The following SLC23A2 variants were observed in gnomAD, a reference collection of about 807,000 sequenced individuals.
SLC23A2 encodes the protein solute carrier family 23 member 2.
Under a neutral mutation model 73.3 loss-of-function variants are expected in SLC23A2, and 36 were observed. That is an observed-to-expected ratio of 0.49 (90% CI 0.38 to 0.65). The LOEUF (loss-of-function observed/expected upper bound fraction) is 0.65. Ranked by LOEUF, SLC23A2 falls within the 30% of genes least tolerant of loss-of-function variation. SLC23A2 has a pLI of 0.00. For missense variants in SLC23A2, 507 were observed against 841.6 expected (o/e 0.60, Z 4.92); for synonymous variants, 343 against 327.3 (o/e 1.05, Z -0.52).
chr20:5,009,955 C>T (rs927589361), intron 1 of SLC23A2, among the ~76,000 whole-genome samples: 10 of 151,936 alleles, frequency 6.6e-5, no homozygotes, highest in East Asian at 1.9e-4. Flanking sequence ...ATTAGCCGGG[C>T]GTGGTTGCAG....
intron 10 of SLC23A2, 21 bp downstream of exon 10, chr20:4,874,555 G>T: frequency 6.3e-7 from 1 of 1,578,382 alleles, no homozygotes; most frequent in Middle Eastern, 1.7e-4. Context: ...ATGTCAGCAG[G>T]GGAAGAAGTC....
chr20:4,988,197 G>A (rs974880855), intron 1 of SLC23A2, among the ~76,000 whole-genome samples: 2 of 151,894 alleles, frequency 1.3e-5, no homozygotes, highest in African/African-American at 4.8e-5. Context: ...AGCTACTCAG[G>A]AGGCTGAGGC....
chr20:4,963,586 G>A (rs1237981624), intron 2 of SLC23A2, among the ~76,000 whole-genome samples: 3 of 151,662 alleles, frequency 2.0e-5, no homozygotes, highest in African/African-American at 4.8e-5. Flanking sequence ...GGTGGCTCAC[G>A]CCTATAATTC....
intron 2 of SLC23A2, among the ~76,000 whole-genome samples, chr20:4,964,560 C>T (rs2087443447): frequency 6.6e-6 from 1 of 152,066 alleles, no homozygotes; most frequent in East Asian, 1.9e-4. Context: ...GAGATTAAAA[C>T]ATGGGTGACT....
intron 1 of SLC23A2, among the ~76,000 whole-genome samples, chr20:4,995,942 G>A (rs1329978980): frequency 6.6e-6 from 1 of 152,178 alleles, no homozygotes; most frequent in Admixed American, 6.5e-5. Context: ...TAGAAACCCT[G>A]AGTTTCAGAT....
chr20:4,965,039 GA>G (rs1196774491), intron 2 of SLC23A2, among the ~76,000 whole-genome samples: 5 of 151,884 alleles, frequency 3.3e-5, no homozygotes, highest in African/African-American at 1.2e-4. Context: ...TTAAAAGCTT[GA>G]GCCATTATCT....
At position 4,857,268 on chromosome 20, in the gene SLC23A2, C is replaced by T; in HGVS notation, c.1721-64G>A. 1.3e-6 allele frequency: 1 copy of T among 776,380 alleles called. No homozygotes were observed. Among genetic ancestry groups the T allele is most frequent in the Non-Finnish European group, 2.1e-6 (1 of 473,982 alleles). 48.1% of individuals were successfully genotyped at this position (776,380 alleles called of 1,614,324 possible). ...TTTAGCAGCTCTACTGAAAATGAAA[C>T]TGTCGTCAAACACATACACACACAC... On this transcript the variant is annotated intron_variant, in intron 16 of 16. Coordinates refer to ENST00000338244, the MANE Select transcript of SLC23A2 (RefSeq NM_005116.6). This position sits in a 1 kb window ranked among gnomAD's most constrained non-coding sequence, Gnocchi z 4.0.
At chr20:4,942,369 A>G (rs1401657581) in intron 2 of SLC23A2, among the ~76,000 whole-genome samples, 1 of 146,094 alleles carries the variant, frequency 6.8e-6, no homozygotes, top group Non-Finnish European at 1.5e-5. Flanking sequence ...AAATCGCTAC[A>G]GTCTCAAAAA....
chr20:4,920,209 C>T (rs1215359813), intron 3 of SLC23A2, among the ~76,000 whole-genome samples: 3 of 152,120 alleles, frequency 2.0e-5, no homozygotes, highest in African/African-American at 7.2e-5. Flanking sequence ...TGCAATGAGC[C>T]GAGAACATGA....
chr20:4,908,848 T>C (rs1158764876), intron 4 of SLC23A2, among the ~76,000 whole-genome samples: 1 of 152,196 alleles, frequency 6.6e-6, no homozygotes, highest in Non-Finnish European at 1.5e-5. Context: ...GTATGAGAAT[T>C]GCTTGAAACT....
At chr20:4,869,765 G>T in intron 12 of SLC23A2, 141 bp downstream of exon 12, 1 of 644,156 alleles carries the variant, frequency 1.6e-6, no homozygotes, top group Non-Finnish European at 2.7e-6. Flanking sequence ...AGGTGGTGAT[G>T]CATCAAACAG....
upstream of SLC23A2, among the ~76,000 whole-genome samples, chr20:5,005,000 AAAATAAAT>A (rs11474342): frequency 0.013 from 1,925 of 143,390 alleles, 69 homozygotes; most frequent in South Asian, 0.15. Context: ...CTCCGTCTCA[AAAATAAAT>A]AAATAAATAA....
At chr20:4,967,460 A>G (rs1430313056) in intron 2 of SLC23A2, among the ~76,000 whole-genome samples, 1 of 152,204 alleles carries the variant, frequency 6.6e-6, no homozygotes, top group African/African-American at 2.4e-5. Context: ...CAACTGTTCC[A>G]TCTTCCTTCC....
At chr20:4,984,088 T>G (rs56864681) in intron 1 of SLC23A2, among the ~76,000 whole-genome samples, 308 of 151,878 alleles carry the variant, frequency 2.0e-3, no homozygotes, top group African/African-American at 6.9e-3. Context: ...CTCAACAATA[T>G]AAAGACAAGT....
At chr20:4,874,451 G>T in intron 10 of SLC23A2, 125 bp downstream of exon 10, 2 of 842,774 alleles carry the variant, frequency 2.4e-6, no homozygotes, top group Non-Finnish European at 3.8e-6. Flanking sequence ...GTCATTAGTA[G>T]CCTGGTCTCA....
chr20:4,916,210 G>C (rs893464510), intron 3 of SLC23A2, among the ~76,000 whole-genome samples: 1 of 152,166 alleles, frequency 6.6e-6, no homozygotes, highest in Non-Finnish European at 1.5e-5. Flanking sequence ...AACTTACAGA[G>C]AGAACTGTGC....
intron 1 of SLC23A2, among the ~76,000 whole-genome samples, chr20:4,982,240 A>G (rs1391916574): frequency 1.3e-5 from 2 of 151,580 alleles, no homozygotes; most frequent in African/African-American, 2.4e-5. Flanking sequence ...TGATCTGCCC[A>G]CCTCGGCCTC....
Position 4,862,168 on chromosome 20 carries a change from C to T in SLC23A2, c.1487-83G>A. On this transcript the variant is annotated intron_variant, in intron 14 of 16. Transcript: ENST00000338244. This position sits in a 1 kb window ranked among gnomAD's most constrained non-coding sequence, Gnocchi z 5.1. ...AGGCAGGTGAGGGCAGGCTCCCTGG[C>T]ACCCCTTCTCTGTCCAACAGAAACC... 7.2e-7 allele frequency: 1 copy of T among 1,383,416 alleles called. No individual in the cohort carries two copies. Among genetic ancestry groups the T allele is most frequent in the Non-Finnish European group, 1.0e-6 (1 of 993,302 alleles). The allele number at this position is 1,383,416 out of a possible 1,614,324, so 85.7% of individuals were successfully genotyped here.
intron 2 of SLC23A2, among the ~76,000 whole-genome samples, chr20:4,934,794 C>T (rs780997226): frequency 7.3e-5 from 11 of 151,556 alleles, no homozygotes; most frequent in South Asian, 2.1e-4. Flanking sequence ...ACCTGGGAGC[C>T]GGACGTTGCA....
Sources: gnomAD v4.1 joint callset for allele counts (sites outside exome capture counted in the v4.1 genomes callset) on GRCh38, gnomAD v4.1.1 for gene constraint, Gnocchi (gnomAD v3.1) non-coding constraint, MANE v1.5 for transcripts, NCBI Gene and HGNC (gene_info 2026-07-23, HGNC 2026-07-21) for gene names.